Variants in TRIM33 observed in about 807,000 individuals in gnomAD.
TRIM33 encodes tripartite motif containing 33.
In TRIM33, 20 loss-of-function variants were observed where a neutral mutation model predicts 125.4. The observed-to-expected ratio is 0.16, with a 90% CI of 0.11 to 0.23. The LOEUF is 0.23. Among genes scored for constraint, TRIM33 ranks in the 10% least tolerant of loss-of-function variants. TRIM33 has a pLI of 1.00. For missense variants in TRIM33, 920 were observed against 1,411.4 expected, an observed-to-expected ratio of 0.65 and a Z score of 5.58; for synonymous variants, 564 against 513.9, an observed-to-expected ratio of 1.10 and a Z score of -1.32.
chr1:114,501,884 A>G (rs1347998001), intron 1 of TRIM33, among the ~76,000 whole-genome samples: 3 of 152,222 alleles, frequency 2.0e-5, no homozygotes, highest in Non-Finnish European at 4.4e-5. Context: ...TCACTGGGGC[A>G]TAGGCTTTAA....
Position 114,394,288 on chromosome 1 carries a change from G to A in TRIM33, c.*3360C>T, listed in dbSNP as rs758163767. ...ACATGAATGGGGGTGGATATGGGAC[G>A]TAAAAGCCAAGGGAGACGGGGCCAC... is the stretch of plus-strand genomic sequence containing the variant. On this transcript the variant is annotated 3_prime_UTR_variant, in exon 20 of 20. Transcript: ENST00000358465. The A allele has an allele frequency of 7.9e-5, 18 of 228,220 alleles. No homozygotes were observed. The highest frequency in any genetic ancestry group is 2.0e-4 in the African/African-American group (9 of 45,124). 14.1% of individuals were successfully genotyped at this position (228,220 alleles called of 1,614,324 possible).
At chr1:114,432,460 G>A (rs1648019052) in intron 5 of TRIM33, among the ~76,000 whole-genome samples, 1 of 152,094 alleles carries the variant, frequency 6.6e-6, no homozygotes, top group Admixed American at 6.5e-5. Flanking sequence ...CAAGCTCTAA[G>A]GAGCCTTTTA....
At chr1:114,474,554 A>T (rs1650856172) in intron 1 of TRIM33, among the ~76,000 whole-genome samples, 1 of 137,764 alleles carries the variant, frequency 7.3e-6, no homozygotes, top group Non-Finnish European at 1.5e-5. Flanking sequence ...AGCCTGGGTG[A>T]CTGAGCAAGA....
intron 1 of TRIM33, among the ~76,000 whole-genome samples, chr1:114,492,773 A>G (rs1206204247): frequency 3.3e-5 from 5 of 152,218 alleles, no homozygotes; most frequent in African/African-American, 1.2e-4. Context: ...GGACCAAATA[A>G]TATCCCATTA....
At chr1:114,474,346 T>C (rs1202730580) in intron 1 of TRIM33, among the ~76,000 whole-genome samples, 1 of 143,568 alleles carries the variant, frequency 7.0e-6, no homozygotes, top group Non-Finnish European at 1.5e-5. Flanking sequence ...GGTGGGAGGA[T>C]CACTTGAGGC....
rs756589571 is a variant in TRIM33 at position 114,397,786 on chromosome 1, T to C, written c.3246A>G (p.Ser1082=). The C allele has an allele frequency of 6.8e-6, 11 of 1,613,876 alleles. No individual in the cohort carries two copies. Among genetic ancestry groups the C allele is most frequent in the Non-Finnish European group, 9.3e-6 (11 of 1,179,974 alleles). The change falls in exon 20 of 20, where the codon TCA becomes TCG. Residue 1082 remains serine, a synonymous_variant. Coordinates refer to ENST00000358465, the MANE Select transcript of TRIM33 (RefSeq NM_015906.4). ...YFEDKLTEIY[S]DRTFAPLPEF... ...CTGGCAAAGGTGCGAAGGTCCTGTC[T>C]GAGTAGATCTCTGTGAGTTTATCTT... is the stretch of plus-strand genomic sequence containing the variant.
chr1:114,508,410 C>T (rs1196214709), intron 1 of TRIM33, among the ~76,000 whole-genome samples: 6 of 152,172 alleles, frequency 3.9e-5, no homozygotes, highest in East Asian at 1.9e-4. Flanking sequence ...CAGGTTCCCA[C>T]AAGAACACTG....
chr1:114,508,857 C>G (rs1653161907), intron 1 of TRIM33, among the ~76,000 whole-genome samples: 1 of 152,076 alleles, frequency 6.6e-6, no homozygotes, highest in Admixed American at 6.5e-5. Context: ...TCTCAATAAC[C>G]CTATGAGGTT....
chr1:114,452,874 GC>G (rs1649400191), intron 4 of TRIM33, among the ~76,000 whole-genome samples: 1 of 152,006 alleles, frequency 6.6e-6, no homozygotes, highest in Non-Finnish European at 1.5e-5. Flanking sequence ...CTACACTCCA[GC>G]CTGGGTGACA....
At chr1:114,501,757 A>G (rs971530033) in intron 1 of TRIM33, among the ~76,000 whole-genome samples, 2 of 152,226 alleles carry the variant, frequency 1.3e-5, no homozygotes, top group Non-Finnish European at 2.9e-5. Context: ...CAAAAAATGT[A>G]AGCAATCTAA....
At chr1:114,403,234 A>G (rs1308037853) in intron 15 of TRIM33, among the ~76,000 whole-genome samples, 1 of 152,230 alleles carries the variant, frequency 6.6e-6, no homozygotes, top group African/African-American at 2.4e-5. Flanking sequence ...ATGAAGAAGA[A>G]GAGCACAGGT....
At chr1:114,490,084 CA>C (rs776451339) in intron 1 of TRIM33, among the ~76,000 whole-genome samples, 2,114 of 37,596 alleles carry the variant, frequency 0.056, 6 homozygotes, top group Non-Finnish European at 0.07. Flanking sequence ...GACTCCGTCT[CA>C]AAAAAAAAAA....
intron 1 of TRIM33, among the ~76,000 whole-genome samples, chr1:114,482,824 C>T (rs2101494544): frequency 6.6e-6 from 1 of 152,264 alleles, no homozygotes; most frequent in Non-Finnish European, 1.5e-5. Context: ...CTTAACTTCC[C>T]TTTCACTTTC....
chr1:114,413,162 G>A (rs1244375712), intron 11 of TRIM33, among the ~76,000 whole-genome samples: 2 of 152,106 alleles, frequency 1.3e-5, no homozygotes, highest in Non-Finnish European at 2.9e-5. Flanking sequence ...TAACATGTGA[G>A]AGATAAACCA....
chr1:114,408,648 A>T, intron 13 of TRIM33, 29 bp downstream of exon 13: 4 of 1,484,236 alleles, frequency 2.7e-6, no homozygotes, highest in Non-Finnish European at 2.8e-6. Flanking sequence ...CTTAACAAAA[A>T]GGAAAAAAAT....
At chr1:114,453,869 C>G (rs1366704569) in intron 4 of TRIM33, among the ~76,000 whole-genome samples, 1 of 152,186 alleles carries the variant, frequency 6.6e-6, no homozygotes, top group African/African-American at 2.4e-5. Context: ...ACATCACTAT[C>G]AGGAGGTGTT....
At position 114,402,581 on chromosome 1, in the gene TRIM33, T is replaced by A. The variant is rs371470081; in HGVS notation, c.2892+179A>T. Among the ~76,000 whole-genome samples, 24 of 152,086 alleles carry A rather than the reference T, an allele frequency of 1.6e-4. No individual in the cohort carries two copies. In the South Asian group the frequency reaches 5.0e-3, roughly 32 times the overall value. On this transcript the variant is annotated intron_variant, in intron 16 of 19. Coordinates refer to ENST00000358465, the MANE Select transcript of TRIM33 (RefSeq NM_015906.4). ...AGTTTGAGGAATCTGGATAGAAGGG[T>A]CTGTAGTTCAGGGTTAGAGGAAAAA...
intron 14 of TRIM33, 82 bp downstream of exon 14, chr1:114,406,858 TA>T: frequency 7.5e-7 from 1 of 1,328,904 alleles, no homozygotes; most frequent in Non-Finnish European, 1.0e-6. Context: ...CTAGACCCAC[TA>T]CTTAGTCTTA....
rs1334227876 is a variant in TRIM33 at position 114,393,581 on chromosome 1, A to G, written c.*4067T>C. 4.8e-6 allele frequency: 1 copy of G among 207,900 alleles called. No individual in the cohort carries two copies. The highest frequency in any genetic ancestry group is 9.8e-6 in the Non-Finnish European group (1 of 101,714). 12.9% of individuals were successfully genotyped at this position (207,900 alleles called of 1,614,324 possible). ...AAGATAGTTTTGTTTCTTCGATACA[A>G]TAAAAAATATATAAAGGACCACATA... On this transcript the variant is annotated 3_prime_UTR_variant, in exon 20 of 20. Transcript: ENST00000358465.
Sources: gnomAD v4.1 joint callset for allele counts (sites outside exome capture counted in the v4.1 genomes callset) on GRCh38, gnomAD v4.1.1 for gene constraint, MANE v1.5 for transcripts, NCBI Gene and HGNC (gene_info 2026-07-23, HGNC 2026-07-21) for gene names.